The following KIRREL3 variants were observed in gnomAD, a reference collection of about 807,000 sequenced individuals.
KIRREL3 encodes kirre like nephrin family adhesion molecule 3.
In KIRREL3, 36 loss-of-function variants were observed where a neutral mutation model predicts 89.7. That is an observed-to-expected ratio of 0.40 (90% CI 0.31 to 0.53). KIRREL3 has a LOEUF of 0.53. KIRREL3 is among the 20% of genes least tolerant of loss of function. The probability of loss-of-function intolerance (pLI) is 0.49; values close to 1 mark genes in which losing one functional copy is unlikely to be tolerated. For missense variants in KIRREL3, 864 were observed against 1,056.6 expected, an observed-to-expected ratio of 0.82 and a Z score of 2.53; for synonymous variants, 445 against 441.4, an observed-to-expected ratio of 1.01 and a Z score of -0.10.
At chr11:126,922,983 G>T (rs544505866) in intron 1 of KIRREL3, among the ~76,000 whole-genome samples, 1 of 152,124 alleles carries the variant, frequency 6.6e-6, no homozygotes, top group Non-Finnish European at 1.5e-5. Flanking sequence ...CCCTCGAGTC[G>T]GTGCCCTTGC....
chr11:126,582,003 C>A (rs1310107369), intron 1 of KIRREL3, among the ~76,000 whole-genome samples: 1 of 152,146 alleles, frequency 6.6e-6, no homozygotes, highest in Non-Finnish European at 1.5e-5. Flanking sequence ...AACAGAGACT[C>A]CTGGGGCTTA....
rs1313364967 is a variant in KIRREL3 at position 126,527,814 on chromosome 11, A to T, written c.134-1127T>A. ...GGCTCTGAAGACCATGCTCTCCCCT[A>T]CTGAGCTATGCTGTGTGCAGATCCC... is the stretch of plus-strand genomic sequence containing the variant. On this transcript the variant is annotated intron_variant, in intron 2 of 16. Coordinates refer to ENST00000525144, the MANE Select transcript of KIRREL3 (RefSeq NM_032531.4). This position sits in a 1 kb window ranked among gnomAD's most constrained non-coding sequence, Gnocchi z 4.2. 1.3e-5 allele frequency among the ~76,000 whole-genome samples: 2 copies of T among 152,054 alleles called. No homozygotes were observed. The highest frequency in any genetic ancestry group is 2.9e-5 in the Non-Finnish European group (2 of 68,012).
At chr11:126,661,355 TGA>T (rs2135015264) in intron 1 of KIRREL3, among the ~76,000 whole-genome samples, 1 of 152,322 alleles carries the variant, frequency 6.6e-6, no homozygotes, top group East Asian at 1.9e-4. Context: ...GCAAGAAGAA[TGA>T]GAGAAGTCCC....
rs1947436950 is a variant in KIRREL3 at position 126,704,486 on chromosome 11, A to T, written c.56-141574T>A. ...TTGTCACTTAGAAGGTCTGTCTGAGAGACCTTGGTGGAGTGCAGCTTCAGC... is the reference window on the plus strand; with the variant it reads ...TTGTCACTTAGAAGGTCTGTCTGAGTGACCTTGGTGGAGTGCAGCTTCAGC... On this transcript the variant is annotated intron_variant, in intron 1 of 16. Transcript: ENST00000525144. This position sits in a 1 kb window ranked among gnomAD's most constrained non-coding sequence, Gnocchi z 4.2. Among the ~76,000 whole-genome samples the T allele has an allele frequency of 6.6e-6, 1 of 152,212 alleles. No homozygotes were observed.
intron 1 of KIRREL3, among the ~76,000 whole-genome samples, chr11:126,712,581 GA>G (rs1947805890): frequency 6.6e-6 from 1 of 152,196 alleles, no homozygotes; most frequent in South Asian, 2.1e-4. Flanking sequence ...CCGGGTGCGG[GA>G]AACTTTCCCT....
Position 127,000,475 on chromosome 11 carries a change from C to A in KIRREL3, c.35G>T (p.Cys12Phe). 6.2e-7 allele frequency: 1 copy of A among 1,608,172 alleles called. No homozygotes were observed. The highest frequency in any genetic ancestry group is 8.5e-7 in the Non-Finnish European group (1 of 1,177,316). Residue 12 changes from cysteine to phenylalanine, a missense_variant, in exon 1 of 17, where the codon TGC (cysteine) becomes TTC (phenylalanine). Coordinates refer to ENST00000525144, the MANE Select transcript of KIRREL3 (RefSeq NM_032531.4). This position sits in a 1 kb window ranked among gnomAD's most constrained non-coding sequence, Gnocchi z 7.1. ...CCTACCTTGACTGAAGAGGAAGAAG[C>A]AGACGAAGAGCAGATCGAGCTGGAA... ...KPFQLDLLFV[C>F]FFLFSQELGL...
chr11:126,567,544 C>T (rs1940603178), intron 1 of KIRREL3, among the ~76,000 whole-genome samples: 1 of 152,208 alleles, frequency 6.6e-6, no homozygotes, highest in Non-Finnish European at 1.5e-5. Context: ...TGAGGCCTGG[C>T]AATTTCCACT....
intron 1 of KIRREL3, among the ~76,000 whole-genome samples, chr11:126,779,846 T>C (rs1033841489): frequency 2.0e-5 from 3 of 152,154 alleles, no homozygotes. Flanking sequence ...ATATACATAA[T>C]ACTTCTGTCT....
intron 9 of KIRREL3, among the ~76,000 whole-genome samples, chr11:126,445,496 T>G (rs1271181822): frequency 2.0e-5 from 3 of 152,164 alleles, no homozygotes; most frequent in Non-Finnish European, 4.4e-5. Flanking sequence ...GGTGACATGA[T>G]CCTACAGCTG....
chr11:126,725,795 TG>T lies in KIRREL3; in HGVS notation c.56-162884del, dbSNP rs577938415. Among the ~76,000 whole-genome samples the T allele has an allele frequency of 5.6e-3, 854 of 152,226 alleles. 2 individuals carry two copies. The highest frequency in any genetic ancestry group is 8.5e-3 in the Non-Finnish European group (576 of 67,998). ...GCAGGGCCAGGGACTACAGAGAGCA[TG>T]GGGGGAGGCATCAGGATTGGCCACC... On this transcript the variant is annotated intron_variant, in intron 1 of 16. Coordinates refer to ENST00000525144, the MANE Select transcript of KIRREL3 (RefSeq NM_032531.4).
rs1950765470 is a variant in KIRREL3 at position 126,795,154 on chromosome 11, A to G, written c.55+205301T>C. Among the ~76,000 whole-genome samples, 2 of 152,174 alleles carry G rather than the reference A, an allele frequency of 1.3e-5. No individual in the cohort carries two copies. Among genetic ancestry groups the G allele is most frequent in the African/African-American group, 4.8e-5 (2 of 41,432 alleles). On this transcript the variant is annotated intron_variant, in intron 1 of 16. Transcript: ENST00000525144. This position sits in a 1 kb window ranked among gnomAD's most constrained non-coding sequence, Gnocchi z 4.1. Reference sequence around the variant, plus strand: ...TGAAACTATTCTGTATGATCATGTAATGGTGGATACATGTCATCACACATT... The same window carrying G: ...TGAAACTATTCTGTATGATCATGTAGTGGTGGATACATGTCATCACACATT...
intron 2 of KIRREL3, among the ~76,000 whole-genome samples, chr11:126,545,004 C>T (rs934566199): frequency 1.3e-5 from 2 of 152,144 alleles, no homozygotes; most frequent in Admixed American, 6.6e-5. Flanking sequence ...TCAGACTAAG[C>T]CCAATATTGC....
At chr11:126,816,093 T>G (rs563111695) in intron 1 of KIRREL3, among the ~76,000 whole-genome samples, 3 of 152,372 alleles carry the variant, frequency 2.0e-5, no homozygotes, top group Non-Finnish European at 4.4e-5. Context: ...GTGATAATTA[T>G]TGAATTTTCA....
rs183115303 is a variant in KIRREL3, at chr11:126,907,525, G to A, written c.55+92930C>T. The stretch of plus-strand genomic sequence containing the variant: ...CAGGCAAAGAGACTTTTTGCTGGAG[G>A]GACAGGTTGAGAAGCATAAGAGAAC... On this transcript the variant is annotated intron_variant, in intron 1 of 16. Coordinates refer to ENST00000525144, the MANE Select transcript of KIRREL3 (RefSeq NM_032531.4). 3.9e-5 allele frequency among the ~76,000 whole-genome samples: 6 copies of A among 152,248 alleles called. No individual in the cohort carries two copies. In the East Asian group the frequency reaches 1.2e-3, roughly 29 times the overall value.
intron 1 of KIRREL3, among the ~76,000 whole-genome samples, chr11:126,745,653 G>A (rs1949124155): frequency 6.6e-6 from 1 of 152,206 alleles, no homozygotes; most frequent in African/African-American, 2.4e-5. Flanking sequence ...AAGAAAAAAG[G>A]TATTCAGGTA....
rs564882663 is a variant in KIRREL3, at chr11:126,734,208, C to G, written c.56-171296G>C. ...AGAAAATAGGCATTTCACGGCTGTT[C>G]TCTCCCAAGTCCCATGCTTTCATCA... On this transcript the variant is annotated intron_variant, in intron 1 of 16. Coordinates refer to ENST00000525144, the MANE Select transcript of KIRREL3 (RefSeq NM_032531.4). The surrounding 1 kb of genome is among the most constrained non-coding windows in gnomAD (Gnocchi z 5.9). Among the ~76,000 whole-genome samples, 2 of 152,338 alleles carry G rather than the reference C, an allele frequency of 1.3e-5. No individual in the cohort carries two copies. Among genetic ancestry groups the G allele is most frequent in the Non-Finnish European group, 2.9e-5 (2 of 68,032 alleles).
intron 1 of KIRREL3, among the ~76,000 whole-genome samples, chr11:126,979,331 T>C (rs1186444644): frequency 6.6e-6 from 1 of 152,244 alleles, no homozygotes; most frequent in African/African-American, 2.4e-5. Flanking sequence ...CACCTTTGCA[T>C]ACATTAAAAT....
chr11:126,674,658 A>C (rs1946106030), intron 1 of KIRREL3, among the ~76,000 whole-genome samples: 1 of 152,198 alleles, frequency 6.6e-6, no homozygotes, highest in Non-Finnish European at 1.5e-5. Flanking sequence ...TTTCTCTTCC[A>C]AATTTCATGG....
intron 1 of KIRREL3, among the ~76,000 whole-genome samples, chr11:126,929,082 G>A (rs924084174): frequency 2.6e-5 from 4 of 152,194 alleles, no homozygotes; most frequent in African/African-American, 9.7e-5. Context: ...ACGTCGGCAG[G>A]GAGCTGGGTT....
Sources: gnomAD v4.1 joint callset for allele counts (sites outside exome capture counted in the v4.1 genomes callset) on GRCh38, gnomAD v4.1.1 for gene constraint, Gnocchi (gnomAD v3.1) non-coding constraint, MANE v1.5 for transcripts, NCBI Gene and HGNC (gene_info 2026-07-23, HGNC 2026-07-21) for gene names.